KIAA1217: variants seen among roughly 807,000 people sequenced by gnomAD.
KIAA1217 encodes the protein KIAA1217.
A neutral mutation model predicts 163.9 loss-of-function variants in KIAA1217; 88 were observed. The ratio of observed to expected loss-of-function variants is 0.54; its 90% CI spans 0.45 to 0.64. KIAA1217 has a LOEUF of 0.64. Ranked by LOEUF, KIAA1217 falls within the 30% of genes least tolerant of loss-of-function variation. KIAA1217 has a pLI of 0.00. For synonymous variants in KIAA1217, 903 were observed against 923.1 expected (o/e 0.98, Z 0.39); for missense variants, 2,372 against 2,475.0 (o/e 0.96, Z 0.88).
At chr10:23,834,810 T>C (rs1299677156) in intron 1 of KIAA1217, among the ~76,000 whole-genome samples, 1 of 152,082 alleles carries the variant, frequency 6.6e-6, no homozygotes, top group Non-Finnish European at 1.5e-5. Context: ...TTTACTAAGA[T>C]GGTGAGGACT....
chr10:23,768,267 C>A (rs1834629683), intron 1 of KIAA1217, among the ~76,000 whole-genome samples: 1 of 152,066 alleles, frequency 6.6e-6, no homozygotes, highest in Non-Finnish European at 1.5e-5. Flanking sequence ...GGAATGATGA[C>A]AGTTGCATAT....
At chr10:24,462,220 T>C (rs2062481098) in intron 5 of KIAA1217, among the ~76,000 whole-genome samples, 1 of 151,846 alleles carries the variant, frequency 6.6e-6, no homozygotes. Context: ...ATTATATAAC[T>C]TACTCATTTT....
At chr10:23,727,236 C>G (rs1372906888) in intron 1 of KIAA1217, among the ~76,000 whole-genome samples, 2 of 151,868 alleles carry the variant, frequency 1.3e-5, no homozygotes. Flanking sequence ...TGCGATCCAC[C>G]CCTCTCGGCC....
chr10:24,329,511 C>T (rs2045384659), intron 2 of KIAA1217, among the ~76,000 whole-genome samples: 1 of 152,038 alleles, frequency 6.6e-6, no homozygotes, highest in Non-Finnish European at 1.5e-5. Context: ...GCATGATCCA[C>T]CCTTTACAGA....
intron 5 of KIAA1217, among the ~76,000 whole-genome samples, chr10:24,465,368 C>G (rs2062831833): frequency 6.6e-6 from 1 of 152,182 alleles, no homozygotes; most frequent in African/African-American, 2.4e-5. Context: ...GATTTGATGG[C>G]AGTAAACAGT....
rs369057409 is a variant in KIAA1217 at position 24,275,646 on chromosome 10, T to G, written c.354+55737T>G. 1.4e-4 allele frequency: 68 copies of G among 472,892 alleles called. 1 individual carries two copies. Among genetic ancestry groups the G allele is most frequent in the African/African-American group, 6.6e-4 (33 of 50,154 alleles). 29.3% of individuals were successfully genotyped at this position (472,892 alleles called of 1,614,324 possible). A position where few individuals can be genotyped will look rare whatever the true frequency, so the allele number is the denominator to read the frequency against. The stretch of plus-strand genomic sequence containing the variant: ...TAATGCTTTAGTAGTCTCAAGTATG[T>G]TTTTTTTCTCATTAAGCCTTTGCTT... On this transcript the variant is annotated intron_variant, in intron 2 of 20. Coordinates refer to ENST00000376454, the MANE Select transcript of KIAA1217 (RefSeq NM_019590.5).
intron 1 of KIAA1217, among the ~76,000 whole-genome samples, chr10:23,772,265 A>G (rs926854897): frequency 2.0e-5 from 3 of 152,174 alleles, no homozygotes; most frequent in Admixed American, 1.3e-4. Flanking sequence ...TACAACATGA[A>G]TTATAAAAAT....
intron 2 of KIAA1217, among the ~76,000 whole-genome samples, chr10:24,256,046 C>CAAAAAAA (rs11358712): frequency 1.3e-5 from 1 of 79,106 alleles, no homozygotes; most frequent in Non-Finnish European, 2.3e-5. Context: ...CTCAGATGAC[C>CAAAAAAA]AAAAAAAAAA....
rs189395380 is a variant in KIAA1217, at chr10:24,288,268, T to G, written c.354+68359T>G. ...ATTTTCATTTGAAAATGTCAAAGTA[T>G]CTCACCATTTTCCTATTTTATAGAC... On this transcript the variant is annotated intron_variant, in intron 2 of 20. Transcript: ENST00000376454. Among the ~76,000 whole-genome samples, 9 of 152,364 alleles carry G rather than the reference T, an allele frequency of 5.9e-5. No homozygotes were observed. In the East Asian group the frequency reaches 1.3e-3, roughly 23 times the overall value.
intron 1 of KIAA1217, among the ~76,000 whole-genome samples, chr10:23,768,730 C>T (rs1214848186): frequency 1.3e-5 from 2 of 152,184 alleles, no homozygotes; most frequent in African/African-American, 2.4e-5. Flanking sequence ...GGATTTGTCT[C>T]TTTACCATTT....
At chr10:24,517,583 TG>T (rs1198699552) in intron 10 of KIAA1217, among the ~76,000 whole-genome samples, 1 of 152,058 alleles carries the variant, frequency 6.6e-6, no homozygotes, top group African/African-American at 2.4e-5. Context: ...TTCTCCTTTT[TG>T]TTCTTCTCCT....
rs571616967 is a variant in KIAA1217, at chr10:24,265,921, G to C, written c.354+46012G>C. 3.2e-3 allele frequency among the ~76,000 whole-genome samples: 492 copies of C among 152,186 alleles called. 2 individuals are homozygous for C. The highest frequency in any genetic ancestry group is 5.1e-3 in the Admixed American group (78 of 15,266). On this transcript the variant is annotated intron_variant, in intron 2 of 20. Transcript: ENST00000376454. ...AAGTCTGAGTAAGTAAATTCAGAGA[G>C]AAACAAAAGAACTACACTCTAGATT...
intron 1 of KIAA1217, among the ~76,000 whole-genome samples, chr10:23,846,232 T>A (rs987380381): frequency 3.3e-5 from 5 of 152,144 alleles, no homozygotes; most frequent in African/African-American, 1.2e-4. Context: ...TTGGGTTGCA[T>A]ATGAAGTTTA....
intron 4 of KIAA1217, among the ~76,000 whole-genome samples, chr10:24,434,363 G>A (rs1429895955): frequency 2.0e-5 from 3 of 151,686 alleles, no homozygotes; most frequent in Non-Finnish European, 1.5e-5. Context: ...TTGAAGACAG[G>A]GTCTTGCTCT....
intron 2 of KIAA1217, among the ~76,000 whole-genome samples, chr10:24,130,916 A>T (rs1429452588): frequency 6.6e-6 from 1 of 152,224 alleles, no homozygotes; most frequent in Non-Finnish European, 1.5e-5. Context: ...TATGGGCACA[A>T]GCCTCTAACT....
At chr10:24,127,741 C>A (rs888344263) in intron 2 of KIAA1217, among the ~76,000 whole-genome samples, 1 of 152,104 alleles carries the variant, frequency 6.6e-6, no homozygotes, top group Admixed American at 6.5e-5. Context: ...AGTACATTAG[C>A]AAACAAAATA....
At chr10:24,245,978 G>C (rs2073755637) in intron 2 of KIAA1217, among the ~76,000 whole-genome samples, 1 of 152,094 alleles carries the variant, frequency 6.6e-6, no homozygotes, top group East Asian at 1.9e-4. Context: ...TAAGGTAAAT[G>C]TGCTGCAGAT....
At chr10:24,155,594 G>A (rs1410241865) in intron 2 of KIAA1217, among the ~76,000 whole-genome samples, 5 of 152,154 alleles carry the variant, frequency 3.3e-5, no homozygotes, top group Admixed American at 2.6e-4. Context: ...GCCGAGGTGG[G>A]CGGATCACCT....
chr10:23,981,556 G>A (rs147495470), intron 1 of KIAA1217, among the ~76,000 whole-genome samples: 215 of 152,278 alleles, frequency 1.4e-3, no homozygotes, highest in Middle Eastern at 3.4e-3. Flanking sequence ...GTAATAATAA[G>A]CTAAAAAATG....
Sources: gnomAD v4.1 joint callset for allele counts (sites outside exome capture counted in the v4.1 genomes callset) on GRCh38, gnomAD v4.1.1 for gene constraint, MANE v1.5 for transcripts, NCBI Gene and HGNC (gene_info 2026-07-23, HGNC 2026-07-21) for gene names.